TCP11: variants seen among roughly 807,000 people sequenced by gnomAD.
TCP11 encodes the protein t-complex 11, also known as T-complex protein 11 homolog.
Under a neutral mutation model 45.0 loss-of-function variants are expected in TCP11, and 34 were observed. That is an observed-to-expected ratio of 0.76 (90% CI 0.57 to 1.01). The LOEUF is 1.01. Ranked by LOEUF, TCP11 falls within the 50% of genes least tolerant of loss-of-function variation. The probability of loss-of-function intolerance (pLI) is 0.00; values close to 1 mark genes in which losing one functional copy is unlikely to be tolerated. For missense variants in TCP11, 523 were observed against 598.1 expected (o/e 0.87, Z 1.31); for synonymous variants, 227 against 227.0 (o/e 1.00, Z 0.00).
chr6:35,136,250 T>C (rs990001971), intron 2 of TCP11, 32 bp from the exon 3 acceptor site: 8 of 1,540,144 alleles, frequency 5.2e-6, no homozygotes, highest in Non-Finnish European at 7.1e-6. Context: ...CCCATGCAAG[T>C]CTGAATTTCT....
chr6:35,141,196 G>A lies in TCP11; in HGVS notation c.-15+9C>T, dbSNP rs548267280. On this transcript the variant is annotated intron_variant, in intron 1 of 9. Transcript: ENST00000311875. Reference sequence around the variant, plus strand: ...GGCCCAGGCCCGCCTCCGGCTCCCAGGCCGTCACCTCCTCCTCCCCCGCCG... The same window carrying A: ...GGCCCAGGCCCGCCTCCGGCTCCCAAGCCGTCACCTCCTCCTCCCCCGCCG... The A allele has an allele frequency of 3.7e-4, 517 of 1,401,868 alleles. 1 individual carries two copies. The highest frequency in any genetic ancestry group is 4.5e-4 in the Non-Finnish European group (481 of 1,080,786). 86.8% of individuals were successfully genotyped at this position (1,401,868 alleles called of 1,614,324 possible).
intron 3 of TCP11, among the ~76,000 whole-genome samples, chr6:35,133,233 G>A (rs1393702661): frequency 2.0e-5 from 3 of 152,016 alleles, no homozygotes; most frequent in Non-Finnish European, 4.4e-5. Context: ...CTGGAGTGCA[G>A]TAGCACTATC....
intron 3 of TCP11, among the ~76,000 whole-genome samples, chr6:35,133,973 TGATAAATAAGCTG>T (rs1562006179): frequency 3.3e-5 from 5 of 152,144 alleles, no homozygotes; most frequent in African/African-American, 1.2e-4. Context: ...GTTCAGATTT[TGATAAATAAGCTG>T]AGTTATGAAG....
chr6:35,127,121 A>T (rs74943723), intron 4 of TCP11, among the ~76,000 whole-genome samples: 1 of 152,154 alleles, frequency 6.6e-6, no homozygotes, highest in African/African-American at 2.4e-5. Context: ...ATTTGTGTGA[A>T]ATACTTGCAT....
At chr6:35,121,252 G>A (rs1779203317) in intron 5 of TCP11, among the ~76,000 whole-genome samples, 1 of 152,152 alleles carries the variant, frequency 6.6e-6, no homozygotes, top group South Asian at 2.1e-4. Flanking sequence ...TCTGGACCTT[G>A]AAGCCTTCAG....
chr6:35,119,433 C>T, intron 8 of TCP11, 42 bp from the exon 9 acceptor site: 1 of 1,604,666 alleles, frequency 6.2e-7, no homozygotes. Flanking sequence ...ACCAGGTAAC[C>T]CTGGCATAGG....
Position 35,118,409 on chromosome 6 carries a change from C to T in TCP11, c.1372G>A (p.Ala458Thr). ...DLPGGLTLIEAELAELGQKFV... is the reference protein window; with the variant it reads ...DLPGGLTLIETELAELGQKFV... ...TTTTGGCCCAGTTCTGCCAGTTCTG[C>T]TTCAATGAGAGTAAGGCCTCCAGGA... is the stretch of plus-strand genomic sequence containing the variant. The change falls in exon 10 of 10, where the codon GCA becomes ACA. Residue 458 changes from alanine (A) to threonine (T), a missense_variant. Coordinates refer to ENST00000311875, the MANE Select transcript of TCP11 (RefSeq NM_001370687.1). 2 of 1,614,184 alleles carry T rather than the reference C, an allele frequency of 1.2e-6. No individual in the cohort carries two copies. Among genetic ancestry groups the T allele is most frequent in the African/African-American group, 1.3e-5 (1 of 75,038 alleles).
intron 9 of TCP11, among the ~76,000 whole-genome samples, chr6:35,118,809 A>G (rs1474070678): frequency 1.3e-5 from 2 of 152,210 alleles, no homozygotes; most frequent in Admixed American, 6.5e-5. Flanking sequence ...CAGATGGCTA[A>G]GGTTAGGAGC....
rs924053700 is a variant in TCP11 at position 35,140,243 on chromosome 6, T to C, written c.124+504A>G. ...TACGTTCTCTGGAGATTAAGAGAAA[T>C]ACAGCATGAGTCCCAGTGAGACTGG... On this transcript the variant is annotated intron_variant, in intron 2 of 9. Coordinates refer to ENST00000311875, the MANE Select transcript of TCP11 (RefSeq NM_001370687.1). The C allele has an allele frequency of 5.4e-6, 8 of 1,494,454 alleles. No individual in the cohort carries two copies. In the Admixed American group the frequency reaches 6.0e-5, roughly 11 times the overall value. 92.6% of individuals were successfully genotyped at this position (1,494,454 alleles called of 1,614,324 possible).
chr6:35,134,479 C>T (rs1374804025), intron 3 of TCP11, among the ~76,000 whole-genome samples: 1 of 151,844 alleles, frequency 6.6e-6, no homozygotes, highest in East Asian at 1.9e-4. Flanking sequence ...CAGGGTTTCA[C>T]CATGTTGGCC....
chr6:35,130,171 C>T (rs150827071), intron 3 of TCP11, among the ~76,000 whole-genome samples: 2 of 152,184 alleles, frequency 1.3e-5, no homozygotes, highest in East Asian at 3.9e-4. Flanking sequence ...AGAATCTAAA[C>T]ACAAGCCTTA....
chr6:35,129,325 C>A, intron 3 of TCP11, 143 bp from the exon 4 acceptor site: 17 of 1,062,754 alleles, frequency 1.6e-5, no homozygotes, highest in Non-Finnish European at 2.2e-5. Context: ...GTTGGAACTG[C>A]AGCAGAGTTG....
chr6:35,137,958 G>T (rs535556570), intron 2 of TCP11: 2 of 362,834 alleles, frequency 5.5e-6, no homozygotes, highest in African/African-American at 4.3e-5. Flanking sequence ...GAAAAATAAG[G>T]TTACTGTAGA....
At chr6:35,121,459 G>A (rs757056290) in intron 5 of TCP11, among the ~76,000 whole-genome samples, 7 of 149,320 alleles carry the variant, frequency 4.7e-5, no homozygotes, top group African/African-American at 7.5e-5. Flanking sequence ...TGTGAAATAC[G>A]GATGACCACT....
In TCP11 at chr6:35,140,818, C is replaced by A; in HGVS notation, c.53G>T (p.Gly18Val). 7 of 1,550,122 alleles carry A rather than the reference C, an allele frequency of 4.5e-6. No individual in the cohort carries two copies. Among genetic ancestry groups the A allele is most frequent in the Non-Finnish European group, 6.1e-6 (7 of 1,153,370 alleles). ...VPPKYPGDSE[G>V]RSCKPETSGP... The stretch of plus-strand genomic sequence containing the variant: ...TGAGGTTTCGGGCTTACAGGACCTG[C>A]CCTCTGAGTCGCCAGGATATTTCGG... The change falls in exon 2 of 10, where the codon GGC (glycine) becomes GTC (valine). Residue 18 changes from glycine to valine, a missense_variant. Transcript: ENST00000311875.
chr6:35,128,911 C>T, intron 4 of TCP11, 151 bp downstream of exon 4: 1 of 980,826 alleles, frequency 1.0e-6, no homozygotes, highest in Non-Finnish European at 1.4e-6. Flanking sequence ...ATATTAAACC[C>T]TCCCTGCTAA....
rs901216356 is a variant in TCP11, at chr6:35,118,110, A to G, written c.*159T>C. The G allele has an allele frequency of 1.5e-6, 1 of 648,594 alleles. No homozygotes were observed. Among genetic ancestry groups the G allele is most frequent in the African/African-American group, 1.8e-5 (1 of 55,358 alleles). 40.2% of individuals were successfully genotyped at this position (648,594 alleles called of 1,614,324 possible). A position where few individuals can be genotyped will look rare whatever the true frequency, so the allele number is the denominator to read the frequency against. ...GAAGTTTATTAATGAATGGGTATGG[A>G]CCAGTTGGTGTTTACATGCTTGATC... On this transcript the variant is annotated 3_prime_UTR_variant, in exon 10 of 10. Transcript: ENST00000311875.
Position 35,120,520 on chromosome 6 carries a change from T to C in TCP11, c.842A>G (p.Asn281Ser), listed in dbSNP as rs780219572. The C allele has an allele frequency of 6.2e-6, 10 of 1,614,104 alleles. No individual in the cohort carries two copies. The South Asian group carries it at 1.1e-4, about 18-fold the overall frequency. ...TGTGGGGCTGAGGGGCTCTGGGTTGTTGGCTGCCTCATTGGGAGAGGGGCC... is the reference window on the plus strand; with the variant it reads ...TGTGGGGCTGAGGGGCTCTGGGTTGCTGGCTGCCTCATTGGGAGAGGGGCC... ...VAGPSPNEAANNPEPLSPTMV... is the reference protein window; with the variant it reads ...VAGPSPNEAASNPEPLSPTMV... The change falls in exon 7 of 10, where the codon AAC (asparagine) becomes AGC (serine). Residue 281 changes from asparagine to serine, a missense_variant. Asn to Ser is a conservative substitution (Grantham distance 46). Around this residue, in one of 2 missense-constraint regions of TCP11, gnomAD observed 298 missense variants for 387.9 expected, o/e 0.77. Transcript: ENST00000311875. This position sits in a 1 kb window ranked among gnomAD's most constrained non-coding sequence, Gnocchi z 4.9.
chr6:35,132,488 C>T (rs983755046), intron 3 of TCP11, among the ~76,000 whole-genome samples: 1 of 152,234 alleles, frequency 6.6e-6, no homozygotes, highest in African/African-American at 2.4e-5. Flanking sequence ...ACTGCCTTAT[C>T]TATATCTCTA....
Sources: allele counts gnomAD v4.1 joint callset (sites outside exome capture counted in the v4.1 genomes callset), GRCh38; gene constraint gnomAD v4.1.1; regional missense constraint gnomAD v4.1.1; non-coding constraint Gnocchi (gnomAD v3.1); transcripts MANE v1.5; gene names NCBI Gene and HGNC (gene_info 2026-07-23, HGNC 2026-07-21).